Variants in PHACTR1 observed in about 807,000 individuals in gnomAD.
PHACTR1 encodes the protein phosphatase and actin regulator 1.
PHACTR1 carries 16 observed loss-of-function variants against 69.2 expected under a neutral mutation model. The observed-to-expected ratio is 0.23, with a 90% confidence interval of 0.16 to 0.35. The LOEUF is 0.35. PHACTR1 is among the 10% of genes least tolerant of loss of function. PHACTR1 has a pLI of 1.00. For synonymous variants in PHACTR1, 312 were observed against 284.5 expected (o/e 1.10, Z -0.97); for missense variants, 510 against 734.7 (o/e 0.69, Z 3.54).
At chr6:13,166,877 A>T (rs552545204) in intron 6 of PHACTR1, among the ~76,000 whole-genome samples, 8 of 152,134 alleles carry the variant, frequency 5.3e-5, no homozygotes, top group Middle Eastern at 3.2e-3. Context: ...AGGTTTTTCA[A>T]TCTGTGTTGG....
At chr6:12,988,108 C>T (rs971156561) in intron 4 of PHACTR1, among the ~76,000 whole-genome samples, 3 of 152,180 alleles carry the variant, frequency 2.0e-5, no homozygotes, top group Non-Finnish European at 2.9e-5. Context: ...TGTCATGTGG[C>T]AGCCAACTAA....
intron 5 of PHACTR1, among the ~76,000 whole-genome samples, chr6:13,091,274 C>T (rs930121917): frequency 2.0e-5 from 3 of 152,208 alleles, no homozygotes; most frequent in African/African-American, 7.2e-5. Context: ...GTTGGGATTA[C>T]AGGCATGAGC....
At chr6:12,904,161 A>G (rs1011005950) in intron 4 of PHACTR1, among the ~76,000 whole-genome samples, 3 of 152,238 alleles carry the variant, frequency 2.0e-5, no homozygotes, top group Admixed American at 1.3e-4. Flanking sequence ...CAAAACATAC[A>G]TATGAATTAA....
intron 5 of PHACTR1, among the ~76,000 whole-genome samples, chr6:13,116,453 C>G (rs1817835125): frequency 6.6e-6 from 1 of 152,142 alleles, no homozygotes; most frequent in African/African-American, 2.4e-5. Context: ...GAGCACTTAC[C>G]ATTCCCATGC....
intron 5 of PHACTR1, among the ~76,000 whole-genome samples, chr6:13,122,230 G>C (rs1006990030): frequency 6.6e-6 from 1 of 152,134 alleles, no homozygotes; most frequent in African/African-American, 2.4e-5. Flanking sequence ...AGTATGTAAG[G>C]ACTTTGTGTT....
chr6:13,248,509 G>A (rs751584957), intron 10 of PHACTR1, among the ~76,000 whole-genome samples: 8 of 152,158 alleles, frequency 5.3e-5, no homozygotes, highest in African/African-American at 1.4e-4. Flanking sequence ...TTGAAAACTC[G>A]TCATTTCTAT....
At chr6:12,861,755 C>A (rs1392637553) in intron 4 of PHACTR1, among the ~76,000 whole-genome samples, 2 of 152,208 alleles carry the variant, frequency 1.3e-5, no homozygotes, top group Admixed American at 1.3e-4. Context: ...CTAACCGTAT[C>A]ATTTCTGGCA....
chr6:13,003,003 G>T (rs1365691812), intron 4 of PHACTR1, among the ~76,000 whole-genome samples: 1 of 152,174 alleles, frequency 6.6e-6, no homozygotes, highest in Admixed American at 6.5e-5. Context: ...AAGTGGAAAT[G>T]ATAGGGCTTC....
Position 12,802,172 on chromosome 6 carries a change from A to C in PHACTR1, c.250+52382A>C, listed in dbSNP as rs188442619. The stretch of plus-strand genomic sequence containing the variant: ...TCAATTTTCCTATGACTTAAAGGGC[A>C]TATAAATATAACTGGCATTAATAGC... On this transcript the variant is annotated intron_variant, in intron 4 of 14. Transcript: ENST00000332995. 3.4e-3 allele frequency among the ~76,000 whole-genome samples: 508 copies of C among 150,638 alleles called. 2 individuals carry two copies. The highest frequency in any genetic ancestry group is 0.012 in the African/African-American group (491 of 41,334).
intron 3 of PHACTR1, among the ~76,000 whole-genome samples, chr6:12,741,619 A>G (rs971491920): frequency 6.6e-6 from 1 of 151,906 alleles, no homozygotes; most frequent in Non-Finnish European, 1.5e-5. Context: ...TGATCTATTT[A>G]TCTTACTTTC....
chr6:12,850,843 T>A (rs769074281), intron 4 of PHACTR1, among the ~76,000 whole-genome samples: 6 of 152,156 alleles, frequency 3.9e-5, no homozygotes, highest in Non-Finnish European at 7.3e-5. Context: ...TCTCTCCTTA[T>A]AAGAACACCA....
intron 3 of PHACTR1, among the ~76,000 whole-genome samples, chr6:12,735,727 C>A (rs1434070076): frequency 6.6e-6 from 1 of 152,056 alleles, no homozygotes; most frequent in East Asian, 1.9e-4. Flanking sequence ...AATATTAGAC[C>A]CATATTGTTA....
chr6:12,869,770 G>A (rs1384733974), intron 4 of PHACTR1, among the ~76,000 whole-genome samples: 2 of 152,084 alleles, frequency 1.3e-5, no homozygotes, highest in Non-Finnish European at 2.9e-5. Flanking sequence ...GCTCTTTTTA[G>A]CCACCTCTTT....
intron 4 of PHACTR1, among the ~76,000 whole-genome samples, chr6:12,819,058 G>C (rs1285454954): frequency 6.6e-6 from 1 of 152,166 alleles, no homozygotes; most frequent in East Asian, 1.9e-4. Flanking sequence ...TCAAAGCATT[G>C]ACTTATGGTG....
intron 4 of PHACTR1, among the ~76,000 whole-genome samples, chr6:13,021,150 C>A (rs2127668397): frequency 6.6e-6 from 1 of 152,252 alleles, no homozygotes; most frequent in Admixed American, 6.5e-5. Context: ...TCCCCTTAAC[C>A]TATCCATTCA....
intron 4 of PHACTR1, among the ~76,000 whole-genome samples, chr6:12,854,590 A>C (rs1238655322): frequency 6.6e-6 from 1 of 152,228 alleles, no homozygotes; most frequent in Non-Finnish European, 1.5e-5. Context: ...AACTCAACAG[A>C]GTAAACAGGC....
intron 5 of PHACTR1, among the ~76,000 whole-genome samples, chr6:13,115,144 G>C (rs1185358194): frequency 6.6e-6 from 1 of 152,186 alleles, no homozygotes; most frequent in Non-Finnish European, 1.5e-5. Flanking sequence ...AACTGTATGA[G>C]ATCCTAACGT....
At chr6:13,267,840 A>G (rs1291657265) in intron 10 of PHACTR1, 1 of 8,136 alleles carries the variant, frequency 1.2e-4, no homozygotes, top group African/African-American at 2.2e-4. Context: ...AATGATCTGA[A>G]AAAAAAAAAA....
At chr6:13,025,032 G>A (rs1000973640) in intron 4 of PHACTR1, among the ~76,000 whole-genome samples, 2 of 152,180 alleles carry the variant, frequency 1.3e-5, no homozygotes, top group African/African-American at 4.8e-5. Flanking sequence ...CAAGCTGGTA[G>A]ACTGCTTGAG....
Sources: gnomAD v4.1 joint callset for allele counts (sites outside exome capture counted in the v4.1 genomes callset) on GRCh38, gnomAD v4.1.1 for gene constraint, MANE v1.5 for transcripts, NCBI Gene and HGNC (gene_info 2026-07-23, HGNC 2026-07-21) for gene names.